Variants in SERGEF observed in about 807,000 individuals in gnomAD.
SERGEF encodes secretion-regulating guanine nucleotide exchange factor.
Under a neutral mutation model 50.0 loss-of-function variants are expected in SERGEF, and 51 were observed. The observed-to-expected ratio is 1.02, with a 90% CI of 0.81 to 1.29. The LOEUF (loss-of-function observed/expected upper bound fraction) is 1.29, where lower values mean the gene tolerates loss of function less well. SERGEF is among the 50% of genes most tolerant of loss of function. The probability of loss-of-function intolerance (pLI) is 0.00; values close to 1 mark genes in which losing one functional copy is unlikely to be tolerated. For synonymous variants in SERGEF, 205 were observed against 212.4 expected (o/e 0.97, Z 0.30); for missense variants, 521 against 557.0 (o/e 0.94, Z 0.65).
intron 9 of SERGEF, among the ~76,000 whole-genome samples, chr11:17,891,884 G>C (rs1367185733): frequency 2.0e-5 from 3 of 152,122 alleles, no homozygotes; most frequent in African/African-American, 7.2e-5. Context: ...CCTACTATTG[G>C]CTAGACATTT....
At chr11:17,918,873 G>GT (rs1852101844) in intron 9 of SERGEF, 1 of 341,094 alleles carries the variant, frequency 2.9e-6, no homozygotes, top group African/African-American at 2.2e-5. Context: ...GAGAAGTCAA[G>GT]TTACAGAACT....
intron 10 of SERGEF, among the ~76,000 whole-genome samples, chr11:17,816,932 T>C (rs1849984787): frequency 6.6e-6 from 1 of 152,180 alleles, no homozygotes; most frequent in Non-Finnish European, 1.5e-5. Context: ...CAGCCTTATA[T>C]GTGATATACC....
In SERGEF at chr11:17,988,656, A is replaced by G. The variant is rs1379126786; in HGVS notation, c.785T>C (p.Phe262Ser). 1 of 1,614,156 alleles carries G rather than the reference A, an allele frequency of 6.2e-7. No individual in the cohort carries two copies. Among genetic ancestry groups the G allele is most frequent in the Non-Finnish European group, 8.5e-7 (1 of 1,180,030 alleles). ...GATGGCAGTGACCTTTTCATTCTGG[A>G]AACAATGTGCTTCTATTTTCTGGGG... ...PVPQKIEAHCFQNEKVTAIWS... is the reference protein window; with the variant it reads ...PVPQKIEAHCSQNEKVTAIWS... The change falls in exon 8 of 11, where the codon TTC becomes TCC. Residue 262 changes from phenylalanine (F) to serine (S), a missense_variant. Transcript: ENST00000265965.
chr11:17,847,201 G>A (rs908478500), intron 10 of SERGEF, among the ~76,000 whole-genome samples: 2 of 152,236 alleles, frequency 1.3e-5, no homozygotes, highest in African/African-American at 4.8e-5. Context: ...CAGGTGGGTG[G>A]GCGCCAGAGC....
intron 8 of SERGEF, among the ~76,000 whole-genome samples, chr11:17,963,921 AAAC>A (rs1853066730): frequency 6.6e-6 from 1 of 152,182 alleles, no homozygotes; most frequent in Admixed American, 6.5e-5. Flanking sequence ...GAAAAGAAAG[AAAC>A]AACAACAATA....
chr11:17,880,968 T>C (rs998812077), intron 9 of SERGEF, among the ~76,000 whole-genome samples: 10 of 152,236 alleles, frequency 6.6e-5, no homozygotes, highest in African/African-American at 2.4e-4. Context: ...CCAGGTGTCA[T>C]GCCAAGGTAC....
At position 18,006,729 on chromosome 11, in the gene SERGEF, C is replaced by A. The variant is rs781522233; in HGVS notation, c.214G>T (p.Val72Phe). 1 of 1,614,180 alleles carries A rather than the reference C, an allele frequency of 6.2e-7. No individual in the cohort carries two copies. Among genetic ancestry groups the A allele is most frequent in the South Asian group, 1.1e-5 (1 of 91,086 alleles). The change falls in exon 3 of 11, where the codon GTT becomes TTT. Residue 72 changes from valine to phenylalanine, a missense_variant. Coordinates refer to ENST00000265965, the MANE Select transcript of SERGEF (RefSeq NM_012139.4). ...AVVTDGGDLF[V>F]CGLNKDGQLG... ...TGCCCATCTTTGTTCAGGCCACAAA[C>A]AAAGAGGTCTCCTCCATCTGCAAAA...
At chr11:17,798,366 G>A (rs1849604614) in intron 10 of SERGEF, among the ~76,000 whole-genome samples, 1 of 152,198 alleles carries the variant, frequency 6.6e-6, no homozygotes. Context: ...TCTGACAGCA[G>A]CCCAGTGAGG....
At chr11:17,878,364 G>A in intron 9 of SERGEF, 120 bp from the exon 10 acceptor site, 2 of 675,252 alleles carry the variant, frequency 3.0e-6, no homozygotes, top group Non-Finnish European at 5.1e-6. Flanking sequence ...GAAGGAAATA[G>A]AAAGAAGCAT....
chr11:17,826,932 C>A (rs1850206626), intron 10 of SERGEF, among the ~76,000 whole-genome samples: 1 of 10,594 alleles, frequency 9.4e-5, no homozygotes, highest in Admixed American at 8.4e-4. Flanking sequence ...CAAGGCATTC[C>A]TTGCTTATAA....
At chr11:17,839,941 C>T (rs1850470806) in intron 10 of SERGEF, among the ~76,000 whole-genome samples, 1 of 152,248 alleles carries the variant, frequency 6.6e-6, no homozygotes, top group Admixed American at 6.5e-5. Context: ...TTCAAGGACA[C>T]ATCTGTCCTT....
chr11:18,006,272 C>T lies in SERGEF; in HGVS notation c.352+319G>A, dbSNP rs12226008. Among the ~76,000 whole-genome samples, 1,054 of 152,322 alleles carry T rather than the reference C, an allele frequency of 6.9e-3. 70 individuals carry two copies. In the East Asian group the frequency reaches 0.15, roughly 22 times the overall value. On this transcript the variant is annotated intron_variant, in intron 3 of 10. Transcript: ENST00000265965. ...CTCCCAGGATCAAGTGATTCGCCTG[C>T]CTCGGCCTCCCAAATAGCTGGGACT... is the stretch of plus-strand genomic sequence containing the variant.
At chr11:17,795,328 G>A (rs1022086470) in intron 10 of SERGEF, among the ~76,000 whole-genome samples, 1 of 152,182 alleles carries the variant, frequency 6.6e-6, no homozygotes, top group East Asian at 1.9e-4. Context: ...CAAGGAATGG[G>A]GAGTGAGGAA....
At chr11:18,004,926 C>T (rs1854042842) in intron 3 of SERGEF, among the ~76,000 whole-genome samples, 1 of 152,164 alleles carries the variant, frequency 6.6e-6, no homozygotes, top group African/African-American at 2.4e-5. Flanking sequence ...GTCATGTAAC[C>T]AACTGGTGAG....
chr11:17,907,086 A>G (rs1487212221), intron 9 of SERGEF, among the ~76,000 whole-genome samples: 1 of 151,650 alleles, frequency 6.6e-6, no homozygotes, highest in Non-Finnish European at 1.5e-5. Context: ...GAAAGAGGAA[A>G]ATATCAAACT....
In SERGEF at chr11:18,012,143, GAGGCACCGTGAACAAGAC is replaced by G. The variant is rs1373295545; in HGVS notation, c.60+790_60+807del. ...ACCTACAATGTGCCAGACACCAAGA[GAGGCACCGTGAACAAGAC>G]AGGCACAGCACCCACTCTTACCACA... On this transcript the variant is annotated intron_variant, in intron 1 of 10. Transcript: ENST00000265965. Among the ~76,000 whole-genome samples, 7 of 152,270 alleles carry G rather than the reference GAGGCACCGTGAACAAGAC, an allele frequency of 4.6e-5. 1 individual carries two copies. In the East Asian group the frequency reaches 1.3e-3, roughly 29 times the overall value.
At chr11:17,904,806 C>T (rs1851808514) in intron 9 of SERGEF, among the ~76,000 whole-genome samples, 1 of 152,174 alleles carries the variant, frequency 6.6e-6, no homozygotes, top group Non-Finnish European at 1.5e-5. Flanking sequence ...ACCCAAAACA[C>T]AATGCAATGC....
chr11:17,990,175 T>C (rs1853684694), intron 7 of SERGEF, among the ~76,000 whole-genome samples: 1 of 152,108 alleles, frequency 6.6e-6, no homozygotes, highest in South Asian at 2.1e-4. Flanking sequence ...AGTCAAACAG[T>C]ATCATTAAGG....
intron 8 of SERGEF, among the ~76,000 whole-genome samples, chr11:17,975,845 C>T (rs1853360402): frequency 6.6e-6 from 1 of 152,178 alleles, no homozygotes; most frequent in African/African-American, 2.4e-5. Context: ...TGGCCCAGGT[C>T]AAGCAAACTA....
Sources: gnomAD v4.1 joint callset for allele counts (sites outside exome capture counted in the v4.1 genomes callset) on GRCh38, gnomAD v4.1.1 for gene constraint, MANE v1.5 for transcripts, NCBI Gene and HGNC (gene_info 2026-07-23, HGNC 2026-07-21) for gene names.